RERE: variants seen among roughly 807,000 people sequenced by gnomAD.
The protein encoded by RERE is arginine-glutamic acid dipeptide repeats, also known as arginine-glutamic acid dipeptide repeats protein.
RERE carries 40 observed loss-of-function variants against 146.1 expected under a neutral mutation model. That is an observed-to-expected ratio of 0.27 (90% CI 0.21 to 0.36). RERE has a LOEUF of 0.36. Among genes scored for constraint, RERE ranks in the 10% least tolerant of loss-of-function variants. The pLI, the probability that RERE is intolerant of heterozygous loss-of-function variation, is 1.00. For synonymous variants in RERE, 1,003 were observed against 866.0 expected (o/e 1.16, Z -2.78); for missense variants, 1,933 against 2,138.7 (o/e 0.90, Z 1.90).
At chr1:8,550,037 C>T (rs1645914955) in intron 6 of RERE, among the ~76,000 whole-genome samples, 1 of 152,130 alleles carries the variant, frequency 6.6e-6, no homozygotes, top group Admixed American at 6.5e-5. Flanking sequence ...CAAAGAGAAT[C>T]TTTAGTCTAA....
At chr1:8,638,164 TA>T (rs1647125645) in intron 2 of RERE, among the ~76,000 whole-genome samples, 2 of 152,212 alleles carry the variant, frequency 1.3e-5, no homozygotes, top group Non-Finnish European at 2.9e-5. Flanking sequence ...TGTAATATAG[TA>T]ATATGTGTAC....
chr1:8,691,192 G>A (rs905150701), intron 1 of RERE, among the ~76,000 whole-genome samples: 6 of 152,058 alleles, frequency 3.9e-5, no homozygotes, highest in African/African-American at 7.2e-5. Flanking sequence ...CACCGTGCCC[G>A]GCCGGCCAAA....
At chr1:8,656,783 A>G (rs1367900749) in intron 1 of RERE, among the ~76,000 whole-genome samples, 3 of 152,202 alleles carry the variant, frequency 2.0e-5, no homozygotes, top group South Asian at 2.1e-4. Context: ...TTCATAACTC[A>G]TAATATTAAT....
intron 11 of RERE, among the ~76,000 whole-genome samples, chr1:8,454,820 CA>C (rs1203058040): frequency 6.7e-6 from 1 of 150,262 alleles, no homozygotes; most frequent in African/African-American, 2.5e-5. Flanking sequence ...AACAAACAAA[CA>C]AACAACAAAA....
chr1:8,404,074 C>T (rs1643361248), intron 12 of RERE, among the ~76,000 whole-genome samples: 1 of 151,598 alleles, frequency 6.6e-6, no homozygotes, highest in Non-Finnish European at 1.5e-5. Flanking sequence ...CGTGATCCGC[C>T]CGCCTCGGCC....
At chr1:8,591,835 G>A (rs558198067) in intron 4 of RERE, among the ~76,000 whole-genome samples, 12 of 152,236 alleles carry the variant, frequency 7.9e-5, no homozygotes, top group African/African-American at 2.2e-4. Context: ...CACATCTAAC[G>A]TATGTCCTGC....
intron 12 of RERE, among the ~76,000 whole-genome samples, chr1:8,412,703 A>G (rs925510109): frequency 6.6e-6 from 1 of 152,262 alleles, no homozygotes; most frequent in Non-Finnish European, 1.5e-5. Context: ...CTGCGCAAAC[A>G]GGAGAGTTGA....
chr1:8,719,815 T>C (rs1639827491), intron 1 of RERE, among the ~76,000 whole-genome samples: 1 of 152,184 alleles, frequency 6.6e-6, no homozygotes, highest in South Asian at 2.1e-4. Context: ...ACCTCCTTAT[T>C]ACTGTCACCT....
At chr1:8,702,304 G>A (rs1025736186) in intron 1 of RERE, among the ~76,000 whole-genome samples, 2 of 152,150 alleles carry the variant, frequency 1.3e-5, no homozygotes, top group African/African-American at 2.4e-5. Flanking sequence ...CGGGGCACAT[G>A]TGCGCCAGGG....
At chr1:8,485,424 A>G (rs1644886491) in intron 10 of RERE, among the ~76,000 whole-genome samples, 1 of 152,142 alleles carries the variant, frequency 6.6e-6, no homozygotes, top group African/African-American at 2.4e-5. Flanking sequence ...AAATTAAAAC[A>G]GACTCAACAC....
chr1:8,779,209 A>C (rs1390713278), intron 1 of RERE, among the ~76,000 whole-genome samples: 1 of 151,990 alleles, frequency 6.6e-6, no homozygotes, highest in East Asian at 1.9e-4. Context: ...ATAATTGTAA[A>C]TATGAGATGA....
intron 1 of RERE, among the ~76,000 whole-genome samples, chr1:8,751,253 T>C (rs1427439067): frequency 6.6e-6 from 1 of 152,116 alleles, no homozygotes; most frequent in Admixed American, 6.5e-5. Flanking sequence ...CAACCCTACC[T>C]CTGCCAGCCC....
chr1:8,468,656 G>A (rs905956285), intron 10 of RERE, among the ~76,000 whole-genome samples: 13 of 152,172 alleles, frequency 8.5e-5, no homozygotes, highest in African/African-American at 3.1e-4. Flanking sequence ...GGGAGGCTGA[G>A]GTAGGAAGAT....
intron 11 of RERE, chr1:8,428,440 G>A (rs1202477177): frequency 1.3e-5 from 2 of 152,202 alleles, no homozygotes; most frequent in Admixed American, 1.3e-4. Flanking sequence ...TTGTTGCTTT[G>A]TGTTACAACT....
chr1:8,518,819 C>G (rs998910730), intron 7 of RERE, among the ~76,000 whole-genome samples: 3 of 152,146 alleles, frequency 2.0e-5, no homozygotes, highest in African/African-American at 7.2e-5. Context: ...ATCATATATT[C>G]CCATTCATTT....
chr1:8,805,840 C>CCTT, intron 1 of RERE: 1 of 134,166 alleles, frequency 7.5e-6, no homozygotes. Context: ...AACAAAACAA[C>CCTT]CTTCTTTTTT....
intron 11 of RERE, among the ~76,000 whole-genome samples, chr1:8,454,827 C>T (rs542105246): frequency 6.7e-6 from 1 of 149,018 alleles, no homozygotes; most frequent in African/African-American, 2.5e-5. Flanking sequence ...AAACAAACAA[C>T]AAAAAAAAAC....
intron 11 of RERE, among the ~76,000 whole-genome samples, chr1:8,447,254 G>C (rs1570254205): frequency 6.6e-6 from 1 of 151,552 alleles, no homozygotes; most frequent in Admixed American, 6.6e-5. Context: ...CCTTTAGCTC[G>C]GAGGAGTTTG....
chr1:8,633,522 C>T (rs563967928), intron 2 of RERE, among the ~76,000 whole-genome samples: 1 of 152,180 alleles, frequency 6.6e-6, no homozygotes, highest in Non-Finnish European at 1.5e-5. Flanking sequence ...ACAACAATCC[C>T]GTGAGTGATT....
Sources: gnomAD v4.1 joint callset for allele counts (sites outside exome capture counted in the v4.1 genomes callset) on GRCh38, gnomAD v4.1.1 for gene constraint, MANE v1.5 for transcripts, NCBI Gene and HGNC (gene_info 2026-07-23, HGNC 2026-07-21) for gene names.